The following BMP5 variants were observed in gnomAD, a reference collection of about 807,000 sequenced individuals.
BMP5 encodes bone morphogenetic protein 5.
BMP5 carries 23 observed loss-of-function variants against 46.6 expected under a neutral mutation model. That is an observed-to-expected ratio of 0.49 (90% CI 0.35 to 0.70). The LOEUF is 0.70. Among genes scored for constraint, BMP5 ranks in the 30% least tolerant of loss-of-function variants. BMP5 has a pLI of 0.00. For missense variants in BMP5, 545 were observed against 565.6 expected (o/e 0.96, Z 0.37); for synonymous variants, 204 against 191.9 (o/e 1.06, Z -0.52).
At chr6:55,806,409 T>G (rs540378894) in intron 2 of BMP5, among the ~76,000 whole-genome samples, 5 of 152,194 alleles carry the variant, frequency 3.3e-5, no homozygotes, top group African/African-American at 4.8e-5. Context: ...GAGGTCTCTG[T>G]TCTTTTTCAT....
chr6:55,760,671 A>G, intron 4 of BMP5, 138 bp from the exon 5 acceptor site: 2 of 717,596 alleles, frequency 2.8e-6, no homozygotes, highest in Non-Finnish European at 4.7e-6. Context: ...TTAAAGTTAG[A>G]ACTACTTACT....
rs147137064 is a variant in BMP5 at position 55,875,575 on chromosome 6, G to A, written c.-710C>T. 6.6e-6 allele frequency: 1 copy of A among 152,384 alleles called. No individual in the cohort carries two copies. The highest frequency in any genetic ancestry group is 1.9e-4 in the East Asian group (1 of 5,174). The allele number at this position is 152,384 out of a possible 1,614,324, so 9.4% of individuals were successfully genotyped here. A position where few individuals can be genotyped will look rare whatever the true frequency, so the allele number is the denominator to read the frequency against. On this transcript the variant is annotated 5_prime_UTR_variant, in exon 1 of 7. Coordinates refer to ENST00000370830, the MANE Select transcript of BMP5 (RefSeq NM_021073.4). Reference sequence around the variant, plus strand: ...GCACAAATATACCAGCCCTCTTCAAGAGAGATCTAAAGAGTAGTGTAAGCA... The same window carrying A: ...GCACAAATATACCAGCCCTCTTCAAAAGAGATCTAAAGAGTAGTGTAAGCA...
intron 3 of BMP5, among the ~76,000 whole-genome samples, chr6:55,790,492 C>T (rs1411237855): frequency 6.6e-6 from 1 of 152,124 alleles, no homozygotes; most frequent in African/African-American, 2.4e-5. Flanking sequence ...GACGATCAAG[C>T]TACAAGAGAA....
intron 1 of BMP5, among the ~76,000 whole-genome samples, chr6:55,855,908 T>G (rs1259083864): frequency 6.6e-6 from 1 of 152,222 alleles, no homozygotes; most frequent in Admixed American, 6.5e-5. Flanking sequence ...CGGCATAATC[T>G]GCCTCTGTAA....
rs183198590 is a variant in BMP5, at chr6:55,854,503, T to C, written c.490+19873A>G. ...ACATATATGTATATGTGTGTATATA[T>C]GCATATATATTTATCATTCAATAAA... On this transcript the variant is annotated intron_variant, in intron 1 of 6. Transcript: ENST00000370830. Among the ~76,000 whole-genome samples the C allele has an allele frequency of 2.4e-3, 370 of 152,156 alleles. 5 individuals are homozygous for C. Among genetic ancestry groups the C allele is most frequent in the Non-Finnish European group, 4.6e-4 (31 of 67,938 alleles).
intron 3 of BMP5, among the ~76,000 whole-genome samples, chr6:55,790,058 A>AT (rs1403482037): frequency 6.6e-6 from 1 of 151,980 alleles, no homozygotes; most frequent in African/African-American, 2.4e-5. Flanking sequence ...CCTTTTTGGT[A>AT]TTTTTTCTTC....
intron 2 of BMP5, among the ~76,000 whole-genome samples, chr6:55,807,882 T>C (rs1391391414): frequency 6.6e-6 from 1 of 152,208 alleles, no homozygotes; most frequent in Non-Finnish European, 1.5e-5. Context: ...GTTTATATAC[T>C]GACATGATGC....
At chr6:55,804,265 A>G (rs996341865) in intron 2 of BMP5, among the ~76,000 whole-genome samples, 4 of 152,208 alleles carry the variant, frequency 2.6e-5, no homozygotes, top group Admixed American at 2.0e-4. Context: ...GAGGAGAGAC[A>G]CAAAGATAGA....
intron 3 of BMP5, among the ~76,000 whole-genome samples, chr6:55,785,655 A>G (rs1187355389): frequency 6.6e-6 from 1 of 151,736 alleles, no homozygotes; most frequent in Non-Finnish European, 1.5e-5. Context: ...ATTCTCAATG[A>G]CACTTTTGCT....
intron 4 of BMP5, among the ~76,000 whole-genome samples, chr6:55,762,136 G>A (rs1212691767): frequency 1.3e-5 from 2 of 152,010 alleles, no homozygotes; most frequent in African/African-American, 4.8e-5. Context: ...AGAGATTTAT[G>A]GAACATTTTT....
intron 2 of BMP5, among the ~76,000 whole-genome samples, chr6:55,802,868 A>T (rs910603174): frequency 2.0e-5 from 3 of 151,364 alleles, no homozygotes; most frequent in Non-Finnish European, 2.9e-5. Flanking sequence ...ATAGTAGCTA[A>T]TCACATATTT....
intron 1 of BMP5, among the ~76,000 whole-genome samples, chr6:55,846,779 A>G (rs961662542): frequency 2.7e-4 from 41 of 151,596 alleles, no homozygotes; most frequent in African/African-American, 8.0e-4. Flanking sequence ...TGATATTTGT[A>G]TTGTTTTATC....
At chr6:55,846,918 A>G (rs950234189) in intron 1 of BMP5, among the ~76,000 whole-genome samples, 18 of 151,552 alleles carry the variant, frequency 1.2e-4, no homozygotes, top group Non-Finnish European at 2.1e-4. Flanking sequence ...ATATTTTTCA[A>G]TGGTTTTCAT....
intron 2 of BMP5, among the ~76,000 whole-genome samples, chr6:55,810,846 C>G (rs1776115075): frequency 1.3e-5 from 2 of 152,142 alleles, no homozygotes; most frequent in South Asian, 4.1e-4. Flanking sequence ...CATTCCTACC[C>G]ACATTACTAC....
intron 1 of BMP5, among the ~76,000 whole-genome samples, chr6:55,827,111 A>G (rs1423552553): frequency 6.6e-6 from 1 of 151,720 alleles, no homozygotes; most frequent in Non-Finnish European, 1.5e-5. Flanking sequence ...ACAATAGAAC[A>G]CTGGGAACAC....
chr6:55,872,886 T>A (rs1777818039), intron 1 of BMP5, among the ~76,000 whole-genome samples: 1 of 151,858 alleles, frequency 6.6e-6, no homozygotes, highest in Admixed American at 6.6e-5. Context: ...TACCACAAGC[T>A]ACACTTGCAT....
In BMP5 at chr6:55,755,269, A is replaced by T. The variant is rs1774555686; in HGVS notation, c.*264T>A. 1 of 332,548 alleles carries T rather than the reference A, an allele frequency of 3.0e-6. No homozygotes were observed. The highest frequency in any genetic ancestry group is 5.5e-6 in the Non-Finnish European group (1 of 181,174). The allele number at this position is 332,548 out of a possible 1,614,324, so 20.6% of individuals were successfully genotyped here. ...TGAAATGGAATTGAATGGACTCAGC[A>T]TAACCCATTGAAAATTATACTAGAT... On this transcript the variant is annotated 3_prime_UTR_variant, in exon 7 of 7. Transcript: ENST00000370830.
intron 1 of BMP5, among the ~76,000 whole-genome samples, chr6:55,829,816 T>G (rs73446200): frequency 0.021 from 3,269 of 152,048 alleles, 118 homozygotes; most frequent in African/African-American, 0.075. Context: ...TTTTTGAACA[T>G]AATATGATAA....
chr6:55,771,496 G>A (rs1419377847), intron 4 of BMP5, among the ~76,000 whole-genome samples: 2 of 151,812 alleles, frequency 1.3e-5, no homozygotes, highest in Non-Finnish European at 2.9e-5. Flanking sequence ...CTTGAAAAAC[G>A]AAGTTAGTTT....
Sources: gnomAD v4.1 joint callset for allele counts (sites outside exome capture counted in the v4.1 genomes callset) on GRCh38, gnomAD v4.1.1 for gene constraint, MANE v1.5 for transcripts, NCBI Gene and HGNC (gene_info 2026-07-23, HGNC 2026-07-21) for gene names.